The following ADK variants were observed in gnomAD, a reference collection of about 807,000 sequenced individuals.
ADK encodes N6,N6-dimethyladenosine kinase.
In ADK, 24 loss-of-function variants were observed where a neutral mutation model predicts 44.7. That is an observed-to-expected ratio of 0.54 (90% CI 0.39 to 0.76). The LOEUF (loss-of-function observed/expected upper bound fraction) is 0.76, where lower values mean the gene tolerates loss of function less well. Ranked by LOEUF, ADK falls within the 30% of genes least tolerant of loss-of-function variation. ADK has a pLI of 0.00. For missense variants in ADK, 321 were observed against 425.1 expected (o/e 0.76, Z 2.15); for synonymous variants, 128 against 142.6 (o/e 0.90, Z 0.73).
chr10:74,373,780 A>G (rs1259002605), intron 4 of ADK, among the ~76,000 whole-genome samples: 3 of 152,204 alleles, frequency 2.0e-5, no homozygotes, highest in Non-Finnish European at 4.4e-5. Context: ...GAGTTACCAT[A>G]TCCAGCAATT....
chr10:74,295,625 TC>T (rs1839784537), intron 3 of ADK, among the ~76,000 whole-genome samples: 1 of 152,130 alleles, frequency 6.6e-6, no homozygotes, highest in African/African-American at 2.4e-5. Flanking sequence ...TTGGTGTTCC[TC>T]CCTTTTTTTA....
intron 3 of ADK, among the ~76,000 whole-genome samples, chr10:74,289,780 C>T (rs147237779): frequency 3.3e-5 from 5 of 150,128 alleles, no homozygotes; most frequent in Admixed American, 1.3e-4. Context: ...TTGGCTCTGA[C>T]GTTGACTACT....
intron 6 of ADK, chr10:74,506,649 G>A (rs1354928747): frequency 2.0e-5 from 3 of 152,276 alleles, no homozygotes; most frequent in Non-Finnish European, 4.4e-5. Flanking sequence ...AGTATTTACT[G>A]CAGTTCATTT....
chr10:74,590,278 C>T (rs1478822057), intron 8 of ADK, among the ~76,000 whole-genome samples: 1 of 152,044 alleles, frequency 6.6e-6, no homozygotes, highest in Non-Finnish European at 1.5e-5. Flanking sequence ...TTTTTATTTG[C>T]ATATTCAGTA....
At chr10:74,413,618 C>T (rs1844264542) in intron 6 of ADK, among the ~76,000 whole-genome samples, 1 of 152,212 alleles carries the variant, frequency 6.6e-6, no homozygotes, top group African/African-American at 2.4e-5. Context: ...ATGTTCTATA[C>T]AGACCAGTAA....
At chr10:74,382,926 T>G (rs1444464837) in intron 4 of ADK, among the ~76,000 whole-genome samples, 1 of 152,010 alleles carries the variant, frequency 6.6e-6, no homozygotes, top group Non-Finnish European at 1.5e-5. Context: ...CAAAGTTTCC[T>G]TACAATTTCA....
intron 3 of ADK, among the ~76,000 whole-genome samples, chr10:74,272,716 C>T (rs940989427): frequency 2.0e-5 from 3 of 152,178 alleles, no homozygotes; most frequent in African/African-American, 7.2e-5. Flanking sequence ...GGTTTGGTGG[C>T]AAGTCTGTTT....
intron 6 of ADK, among the ~76,000 whole-genome samples, chr10:74,460,098 G>A (rs567498584): frequency 6.6e-6 from 1 of 152,228 alleles, no homozygotes; most frequent in Admixed American, 6.5e-5. Flanking sequence ...CTATCCAACT[G>A]TTTCTCGGCT....
intron 2 of ADK, among the ~76,000 whole-genome samples, chr10:74,212,987 G>A (rs1032665038): frequency 5.9e-5 from 9 of 152,218 alleles, no homozygotes; most frequent in African/African-American, 1.9e-4. Flanking sequence ...GGAGGATATG[G>A]AAGAGGGGCT....
Position 74,459,428 on chromosome 10 carries a change from T to C in ADK, c.555+60849T>C, listed in dbSNP as rs190850158. ...TCAGCAGGACACAGTTTGGTAAATATTAGTATAAAAAGTTAGGCTCAGCCG... is the reference window on the plus strand; with the variant it reads ...TCAGCAGGACACAGTTTGGTAAATACTAGTATAAAAAGTTAGGCTCAGCCG... On this transcript the variant is annotated intron_variant, in intron 6 of 10. Transcript: ENST00000539909. Among the ~76,000 whole-genome samples, 330 of 151,990 alleles carry C rather than the reference T, an allele frequency of 2.2e-3. 5 individuals are homozygous for C. Among genetic ancestry groups the C allele is most frequent in the Admixed American group, 0.021 (322 of 15,268 alleles).
At chr10:74,683,105 C>T (rs1256414171) in intron 10 of ADK, among the ~76,000 whole-genome samples, 1 of 152,154 alleles carries the variant, frequency 6.6e-6, no homozygotes, top group Non-Finnish European at 1.5e-5. Context: ...TACATCTGAG[C>T]ACTTTTCAGC....
At chr10:74,610,261 G>A (rs1208539129) in intron 9 of ADK, among the ~76,000 whole-genome samples, 2 of 152,122 alleles carry the variant, frequency 1.3e-5, no homozygotes, top group African/African-American at 4.8e-5. Flanking sequence ...ATCCTAACAT[G>A]CACTACAACA....
chr10:74,563,974 T>C (rs1215408300), intron 7 of ADK, among the ~76,000 whole-genome samples: 3 of 152,148 alleles, frequency 2.0e-5, no homozygotes, highest in Non-Finnish European at 4.4e-5. Flanking sequence ...ACATGTGCCA[T>C]GCTGGTGCGC....
intron 3 of ADK, among the ~76,000 whole-genome samples, chr10:74,278,171 T>G (rs1325181086): frequency 1.3e-5 from 2 of 151,716 alleles, no homozygotes; most frequent in African/African-American, 4.8e-5. Flanking sequence ...CTGGGCAATA[T>G]GGCAAAACCC....
intron 1 of ADK, among the ~76,000 whole-genome samples, chr10:74,186,204 T>C (rs1842757422): frequency 7.3e-6 from 1 of 137,762 alleles, no homozygotes; most frequent in African/African-American, 2.6e-5. Flanking sequence ...TCCCTTCCCT[T>C]CCCTTCCCTT....
At chr10:74,277,335 G>A (rs1846729578) in intron 3 of ADK, among the ~76,000 whole-genome samples, 1 of 152,174 alleles carries the variant, frequency 6.6e-6, no homozygotes, top group African/African-American at 2.4e-5. Context: ...GACCTGGACT[G>A]TGTGAGATAG....
chr10:74,549,881 T>C (rs1849969299), intron 7 of ADK, among the ~76,000 whole-genome samples: 1 of 152,190 alleles, frequency 6.6e-6, no homozygotes, highest in Non-Finnish European at 1.5e-5. Context: ...GCTATAGATA[T>C]GCCATGAGCA....
chr10:74,689,311 CAT>C (rs1337012858), intron 10 of ADK, among the ~76,000 whole-genome samples: 1 of 151,730 alleles, frequency 6.6e-6, no homozygotes, highest in East Asian at 1.9e-4. Flanking sequence ...GGAGAGAATA[CAT>C]GTGTTAGGAA....
intron 4 of ADK, among the ~76,000 whole-genome samples, chr10:74,391,394 C>G (rs1843322250): frequency 6.6e-6 from 1 of 151,984 alleles, no homozygotes; most frequent in African/African-American, 2.4e-5. Context: ...GAGAACTCTT[C>G]TATTCCTATT....
Sources: allele counts gnomAD v4.1 joint callset (sites outside exome capture counted in the v4.1 genomes callset), GRCh38; gene constraint gnomAD v4.1.1; transcripts MANE v1.5; gene names NCBI Gene and HGNC (gene_info 2026-07-23, HGNC 2026-07-21).